BIRC6: variants seen among roughly 807,000 people sequenced by gnomAD.
The protein encoded by BIRC6 is baculoviral IAP repeat containing 6.
A neutral mutation model predicts 503.3 loss-of-function variants in BIRC6; 98 were observed. That is an observed-to-expected ratio of 0.19 (90% CI 0.17 to 0.23). The LOEUF (loss-of-function observed/expected upper bound fraction) is 0.23. Ranked by LOEUF, BIRC6 falls within the 10% of genes least tolerant of loss-of-function variation. The probability of loss-of-function intolerance (pLI) is 1.00; values close to 1 mark genes in which losing one functional copy is unlikely to be tolerated. For synonymous variants in BIRC6, 2,240 were observed against 2,078.7 expected, an observed-to-expected ratio of 1.08 and a Z score of -2.11; for missense variants, 5,360 against 5,806.0, an observed-to-expected ratio of 0.92 and a Z score of 2.50.
In BIRC6 at chr2:32,357,763, G is replaced by C. The variant is rs984776087; in HGVS notation, c.325+277G>C. Among the ~76,000 whole-genome samples, 1 of 152,160 alleles carries C rather than the reference G, an allele frequency of 6.6e-6. No homozygotes were observed. The highest frequency in any genetic ancestry group is 1.5e-5 in the Non-Finnish European group (1 of 68,032). On this transcript the variant is annotated intron_variant, in intron 1 of 73. Coordinates refer to ENST00000421745, the MANE Select transcript of BIRC6 (RefSeq NM_016252.4). This position sits in a 1 kb window ranked among gnomAD's most constrained non-coding sequence, Gnocchi z 4.9. ...CGTCCGGTCTGGCTTGGTCCTCCGC[G>C]AGAGGTGAGGAGACCTTGGAGCTTG...
At position 32,357,076 on chromosome 2, in the gene BIRC6, TCCGG is replaced by T. The variant is rs1223484138; in HGVS notation, c.-81_-78del. The T allele has an allele frequency of 2.3e-5, 28 of 1,233,674 alleles. No individual in the cohort carries two copies. The highest frequency in any genetic ancestry group is 2.9e-5 in the Non-Finnish European group (27 of 935,030). 76.4% of individuals were successfully genotyped at this position (1,233,674 alleles called of 1,614,324 possible). On this transcript the variant is annotated 5_prime_UTR_variant, in exon 1 of 74. Transcript: ENST00000421745. This position sits in a 1 kb window ranked among gnomAD's most constrained non-coding sequence, Gnocchi z 4.9. ...TCAGCCTCCCTCCGAGTTTGGCCCC[TCCGG>T]CCGGGCGATCGACGTTCCGCGTGCG...
intron 61 of BIRC6, among the ~76,000 whole-genome samples, chr2:32,535,319 T>G (rs1490989073): frequency 6.6e-6 from 1 of 152,168 alleles, no homozygotes; most frequent in Non-Finnish European, 1.5e-5. Context: ...TTTTATTTTT[T>G]AAATTATACT....
chr2:32,601,902 A>G (rs1485045371), intron 70 of BIRC6, among the ~76,000 whole-genome samples: 1 of 152,194 alleles, frequency 6.6e-6, no homozygotes, highest in Non-Finnish European at 1.5e-5. Context: ...ACTTGAATCA[A>G]AGGAGTATAT....
intron 43 of BIRC6, among the ~76,000 whole-genome samples, 168 bp downstream of exon 43, chr2:32,490,319 G>A (rs973276929): frequency 1.3e-5 from 2 of 152,154 alleles, no homozygotes; most frequent in African/African-American, 2.4e-5. Flanking sequence ...AGGCCAGCAC[G>A]GGTGGATCAC....
At chr2:32,585,385 T>G (rs1003098713) in intron 66 of BIRC6, among the ~76,000 whole-genome samples, 2 of 114,560 alleles carry the variant, frequency 1.7e-5, no homozygotes, top group African/African-American at 6.7e-5. Context: ...GGTTCTTTTG[T>G]TTTTTTTTTT....
chr2:32,546,553 CTG>C (rs1424557075), intron 63 of BIRC6, among the ~76,000 whole-genome samples: 1 of 151,402 alleles, frequency 6.6e-6, no homozygotes, highest in African/African-American at 2.4e-5. Flanking sequence ...GCACTCCAGA[CTG>C]GGCGACAAGA....
intron 60 of BIRC6, among the ~76,000 whole-genome samples, chr2:32,530,987 T>C (rs1406375055): frequency 2.0e-5 from 3 of 152,242 alleles, no homozygotes; most frequent in Non-Finnish European, 4.4e-5. Context: ...AACTTATTTA[T>C]TTTAACATAG....
chr2:32,454,084 G>T, intron 23 of BIRC6, 142 bp downstream of exon 23: 1 of 698,450 alleles, frequency 1.4e-6, no homozygotes, highest in South Asian at 2.8e-5. Context: ...GGCATTTGGG[G>T]GAAATATAAA....
intron 15 of BIRC6, among the ~76,000 whole-genome samples, chr2:32,437,234 A>G (rs759582388): frequency 3.3e-5 from 5 of 152,180 alleles, no homozygotes; most frequent in Non-Finnish European, 5.9e-5. Flanking sequence ...ATCATATACA[A>G]TGATTTGAGT....
chr2:32,586,604 A>C (rs1270809959), intron 66 of BIRC6, among the ~76,000 whole-genome samples: 1 of 151,654 alleles, frequency 6.6e-6, no homozygotes, highest in Admixed American at 6.6e-5. Flanking sequence ...TTTATAGTAG[A>C]GATGGGGTTT....
At position 32,357,944 on chromosome 2, in the gene BIRC6, T is replaced by A. The variant is rs938469920; in HGVS notation, c.325+458T>A. On this transcript the variant is annotated intron_variant, in intron 1 of 73. Coordinates refer to ENST00000421745, the MANE Select transcript of BIRC6 (RefSeq NM_016252.4). The surrounding 1 kb of genome is among the most constrained non-coding windows in gnomAD (Gnocchi z 4.9). ...AGCGTCTGAGCCGGCAACCAAGCCC[T>A]CCCTTGTGGGAGAGGAGCCGGCAGT... Among the ~76,000 whole-genome samples, 1 of 151,628 alleles carries A rather than the reference T, an allele frequency of 6.6e-6. No individual in the cohort carries two copies. The highest frequency in any genetic ancestry group is 1.5e-5 in the Non-Finnish European group (1 of 67,914).
At chr2:32,516,941 G>T (rs928349153) in intron 55 of BIRC6, among the ~76,000 whole-genome samples, 1 of 152,012 alleles carries the variant, frequency 6.6e-6, no homozygotes, top group Non-Finnish European at 1.5e-5. Flanking sequence ...TTTTCTCCTT[G>T]TTATTTAATA....
chr2:32,457,241 T>G (rs1378307596), intron 23 of BIRC6, among the ~76,000 whole-genome samples: 2 of 152,234 alleles, frequency 1.3e-5, no homozygotes. Flanking sequence ...GGCATGTAGT[T>G]GCATTTATTA....
intron 32 of BIRC6, chr2:32,472,901 A>T (rs891658986): frequency 2.6e-6 from 1 of 389,532 alleles, no homozygotes; most frequent in Admixed American, 4.4e-5. Context: ...CTCTGGTTTT[A>T]AAATGATTTA....
chr2:32,417,106 G>A (rs62136285), intron 10 of BIRC6, among the ~76,000 whole-genome samples: 10,723 of 151,952 alleles, frequency 0.071, 506 homozygotes, highest in Admixed American at 0.15. Context: ...CAAAGTTCTG[G>A]GATTACAGGC....
In BIRC6 at chr2:32,501,738, A is replaced by G. The variant is rs368948133; in HGVS notation, c.9057A>G (p.Lys3019=). 2 of 1,612,318 alleles carry G rather than the reference A, an allele frequency of 1.2e-6. No individual in the cohort carries two copies. The highest frequency in any genetic ancestry group is 1.1e-5 in the South Asian group (1 of 90,670). Residue 3019 remains lysine (K), a synonymous_variant, in exon 47 of 74, where the codon AAA becomes AAG. Coordinates refer to ENST00000421745, the MANE Select transcript of BIRC6 (RefSeq NM_016252.4). ...IIGASGLHLT[K]HENFHGGLDA... ...GAGCAAGTGGATTACATCTCACTAA[A>G]CATGAAAACTTTCATGGTGGGTTGG...
chr2:32,477,622 G>C (rs749091958), intron 35 of BIRC6, 39 bp downstream of exon 35: 1 of 1,522,158 alleles, frequency 6.6e-7, no homozygotes, highest in Non-Finnish European at 9.0e-7. Context: ...GGGTTGGCCG[G>C]GCGCAGTGGC....
At chr2:32,515,957 A>G (rs1404522050) in intron 55 of BIRC6, among the ~76,000 whole-genome samples, 187 bp downstream of exon 55, 1 of 152,228 alleles carries the variant, frequency 6.6e-6, no homozygotes, top group Non-Finnish European at 1.5e-5. Context: ...CTTATTCTTT[A>G]TGATGAGATG....
chr2:32,466,251 A>C (rs2048527589), intron 26 of BIRC6, among the ~76,000 whole-genome samples: 1 of 152,170 alleles, frequency 6.6e-6, no homozygotes, highest in Admixed American at 6.5e-5. Context: ...CCACCCCAAA[A>C]CAATAAGGAA....
Sources: allele counts gnomAD v4.1 joint callset (sites outside exome capture counted in the v4.1 genomes callset), GRCh38; gene constraint gnomAD v4.1.1; non-coding constraint Gnocchi (gnomAD v3.1); transcripts MANE v1.5; gene names NCBI Gene and HGNC (gene_info 2026-07-23, HGNC 2026-07-21).